The following ZNFX1 variants were observed in gnomAD, a reference collection of about 807,000 sequenced individuals.
The protein encoded by ZNFX1 is NFX1-type zinc finger-containing protein 1.
A neutral mutation model predicts 179.8 loss-of-function variants in ZNFX1; 78 were observed. That is an observed-to-expected ratio of 0.43 (90% CI 0.36 to 0.52). The LOEUF (loss-of-function observed/expected upper bound fraction) is 0.52, where lower values mean the gene tolerates loss of function less well. Among genes scored for constraint, ZNFX1 ranks in the 20% least tolerant of loss-of-function variants. The probability of loss-of-function intolerance (pLI) is 0.00; values close to 1 mark genes in which losing one functional copy is unlikely to be tolerated. For missense variants in ZNFX1, 1,927 were observed against 2,386.6 expected, an observed-to-expected ratio of 0.81 and a Z score of 4.01; for synonymous variants, 848 against 868.5, an observed-to-expected ratio of 0.98 and a Z score of 0.42.
At chr20:49,268,575 TAAAC>T in intron 3 of ZNFX1, among the ~76,000 whole-genome samples, 1 of 152,244 alleles carries the variant, frequency 6.6e-6, no homozygotes, top group Non-Finnish European at 1.5e-5. Context: ...ATCAACAGAA[TAAAC>T]AGACAACCTA....
intron 7 of ZNFX1, among the ~76,000 whole-genome samples, chr20:49,259,289 C>G (rs1981057973): frequency 6.6e-6 from 1 of 151,842 alleles, no homozygotes; most frequent in Non-Finnish European, 1.5e-5. Context: ...AAGTAGAAAA[C>G]TGACAAATTT....
In ZNFX1 at chr20:49,275,843, T is replaced by G. The variant is rs750709777; in HGVS notation, c.-4A>C. 1.2e-6 allele frequency: 2 copies of G among 1,614,130 alleles called. No homozygotes were observed. Among genetic ancestry groups the G allele is most frequent in the East Asian group, 2.2e-5 (1 of 44,886 alleles). On this transcript the variant is annotated 5_prime_UTR_variant, in exon 2 of 14. Coordinates refer to ENST00000396105, the MANE Select transcript of ZNFX1 (RefSeq NM_021035.3). ...GATGAGGTCTTCTCTCCTCCATGTC[T>G]GAGTCACCTGAATTCCTTCACGTTA...
At position 49,249,600 on chromosome 20, in the gene ZNFX1, T is replaced by A; in HGVS notation, c.3424A>T (p.Lys1142Ter). The A allele has an allele frequency of 6.2e-7, 1 of 1,614,246 alleles. No homozygotes were observed. The highest frequency in any genetic ancestry group is 8.5e-7 in the Non-Finnish European group (1 of 1,180,048). Residue 1142 changes from lysine to a stop codon, truncating the protein, a stop_gained, in exon 14 of 14, where the codon AAG becomes TAG. Coordinates refer to ENST00000396105, the MANE Select transcript of ZNFX1 (RefSeq NM_021035.3). LOFTEE classifies it high-confidence loss of function. The stretch of plus-strand genomic sequence containing the variant: ...AGGTATTCCTGGCACAGGAAGTACT[T>A]GCACAGCTCTACCACAAAGTGAGCC... ...HEAHFVVELC[K>*]YFLCQEYLPS... is the part of the protein sequence containing the mutation.
Position 49,248,665 on chromosome 20 carries a change from G to A in ZNFX1, c.4359C>T (p.Phe1453=), listed in dbSNP as rs772796086. Reference sequence around the variant, plus strand: ...GACAGCGTTCATGGAAACGCCCTTCGAAGCAGCTGTGGCAGGAGCCTGGGC... The same window carrying A: ...GACAGCGTTCATGGAAACGCCCTTCAAAGCAGCTGTGGCAGGAGCCTGGGC... ...HPCPGSCHSC[F]EGRFHERCQQ... The change falls in exon 14 of 14, where the codon TTC becomes TTT. Residue 1453 remains phenylalanine, a synonymous_variant. Transcript: ENST00000396105. The surrounding 1 kb of genome is among the most constrained non-coding windows in gnomAD (Gnocchi z 4.6). The A allele has an allele frequency of 1.7e-5, 28 of 1,613,264 alleles. No individual in the cohort carries two copies. The highest frequency in any genetic ancestry group is 2.2e-5 in the East Asian group (1 of 44,900).
At chr20:49,269,367 A>T (rs1228169343) in intron 3 of ZNFX1, among the ~76,000 whole-genome samples, 2 of 152,142 alleles carry the variant, frequency 1.3e-5, no homozygotes, top group Non-Finnish European at 2.9e-5. Context: ...ATAGAGTGGG[A>T]GGAGGGTGAG....
At chr20:49,267,080 A>G (rs934832446) in intron 3 of ZNFX1, among the ~76,000 whole-genome samples, 1 of 151,956 alleles carries the variant, frequency 6.6e-6, no homozygotes, top group Admixed American at 6.5e-5. Flanking sequence ...TATTTTTAGT[A>G]TAGATGGGGT....
intron 13 of ZNFX1, 57 bp downstream of exon 13, chr20:49,251,470 T>C (rs1980834851): frequency 1.3e-6 from 2 of 1,526,968 alleles, no homozygotes; most frequent in Admixed American, 3.7e-5. Flanking sequence ...TTGAGGAAAT[T>C]ATAGCCTTTT....
intron 2 of ZNFX1, among the ~76,000 whole-genome samples, chr20:49,273,299 C>A (rs1981468593): frequency 3.3e-5 from 5 of 151,850 alleles, no homozygotes; most frequent in African/African-American, 9.7e-5. Context: ...CACCTGGCTA[C>A]TTTTTTGTGT....
At chr20:49,255,975 CT>C in intron 8 of ZNFX1, 28 bp from the exon 9 acceptor site, 1 of 1,610,776 alleles carries the variant, frequency 6.2e-7, no homozygotes, top group Non-Finnish European at 8.5e-7. Context: ...AGGCAGGGTA[CT>C]GTCTGAGCAG....
intron 4 of ZNFX1, among the ~76,000 whole-genome samples, chr20:49,265,725 A>T (rs1035721281): frequency 6.6e-6 from 1 of 152,234 alleles, no homozygotes; most frequent in African/African-American, 2.4e-5. Context: ...ATAAAAAAAT[A>T]AAAAATGCAA....
chr20:49,257,603 T>C lies in ZNFX1; in HGVS notation c.2478A>G (p.Ala826=), dbSNP rs1306977972. ...GEEESSLIEI[A]EEADLIQADR... is the part of the protein sequence containing the mutation. ...CTGCTTGAATCAGGTCAGCTTCCTC[T>C]GCGATCTCTATCAGCGAACTCTCCT... The change falls in exon 8 of 14, where the codon GCA becomes GCG. Residue 826 remains alanine, a synonymous_variant. Transcript: ENST00000396105. 1 of 1,613,986 alleles carries C rather than the reference T, an allele frequency of 6.2e-7. No homozygotes were observed.
chr20:49,273,367 C>T (rs562555919), intron 2 of ZNFX1, among the ~76,000 whole-genome samples: 147 of 151,902 alleles, frequency 9.7e-4, no homozygotes, highest in Non-Finnish European at 1.7e-3. Context: ...CTCCTGACCT[C>T]GTGATCCGCC....
chr20:49,265,127 A>T (rs1981205421), intron 4 of ZNFX1, among the ~76,000 whole-genome samples: 2 of 152,172 alleles, frequency 1.3e-5, no homozygotes, highest in South Asian at 4.1e-4. Flanking sequence ...TTGCTGTGTA[A>T]CCTGGGGCAA....
chr20:49,273,356 T>C (rs551179551), intron 2 of ZNFX1, among the ~76,000 whole-genome samples: 1 of 152,066 alleles, frequency 6.6e-6, no homozygotes, highest in South Asian at 2.1e-4. Flanking sequence ...ATGGTCTCAA[T>C]CTCCTGACCT....
intron 7 of ZNFX1, among the ~76,000 whole-genome samples, chr20:49,257,962 T>C (rs1234349378): frequency 2.6e-5 from 4 of 151,668 alleles, no homozygotes; most frequent in Admixed American, 2.6e-4. Flanking sequence ...TCTGCCCGCC[T>C]TGGCTTCCCA....
rs1490790549 is a variant in ZNFX1 at position 49,260,529 on chromosome 20, C to G, written c.2350G>C (p.Glu784Gln). ...GAACCGACACCAAGACCTAGCCACT[C>G]CAGCATCATGGAATGCTTCCAGTGC... ...FQHWKHSMML[E>Q]WLGLGVGSFT... The change falls in exon 7 of 14, where the codon GAG (glutamate) becomes CAG (glutamine). Residue 784 changes from glutamate to glutamine, a missense_variant. Physicochemically the swap from Glu to Gln is conservative, Grantham distance 29. Transcript: ENST00000396105. 1.2e-6 allele frequency: 2 copies of G among 1,613,180 alleles called. No individual in the cohort carries two copies. Among genetic ancestry groups the G allele is most frequent in the Non-Finnish European group, 1.7e-6 (2 of 1,179,752 alleles).
chr20:49,259,863 T>C (rs1385426606), intron 7 of ZNFX1, among the ~76,000 whole-genome samples: 1 of 152,266 alleles, frequency 6.6e-6, no homozygotes, highest in Non-Finnish European at 1.5e-5. Context: ...TGAAGAAATG[T>C]TGATGAACAT....
At chr20:49,269,691 G>A (rs775652019) in intron 3 of ZNFX1, among the ~76,000 whole-genome samples, 8 of 151,958 alleles carry the variant, frequency 5.3e-5, no homozygotes, top group Non-Finnish European at 5.9e-5. Context: ...CAAAAACAAT[G>A]ACGACAACAA....
intron 12 of ZNFX1, among the ~76,000 whole-genome samples, chr20:49,251,975 G>C (rs1349810054): frequency 6.6e-6 from 1 of 151,664 alleles, no homozygotes; most frequent in Non-Finnish European, 1.5e-5. Flanking sequence ...GGGACTACAG[G>C]CATGAGGCAC....
Sources: gnomAD v4.1 joint callset for allele counts (sites outside exome capture counted in the v4.1 genomes callset) on GRCh38, gnomAD v4.1.1 for gene constraint, Gnocchi (gnomAD v3.1) non-coding constraint, MANE v1.5 for transcripts, NCBI Gene and HGNC (gene_info 2026-07-23, HGNC 2026-07-21) for gene names.